DNAH8: variants seen among roughly 807,000 people sequenced by gnomAD.
The protein encoded by DNAH8 is dynein axonemal heavy chain 8.
A neutral mutation model predicts 562.1 loss-of-function variants in DNAH8; 382 were observed. That is an observed-to-expected ratio of 0.68 (90% CI 0.63 to 0.74). The LOEUF is 0.74. Ranked by LOEUF, DNAH8 falls within the 30% of genes least tolerant of loss-of-function variation. The probability of loss-of-function intolerance (pLI) is 0.00; values close to 1 mark genes in which losing one functional copy is unlikely to be tolerated. For missense variants in DNAH8, 5,203 were observed against 5,620.4 expected, an observed-to-expected ratio of 0.93 and a Z score of 2.37; for synonymous variants, 1,881 against 1,919.4, an observed-to-expected ratio of 0.98 and a Z score of 0.52.
rs1554163097 is a variant in DNAH8 at position 39,010,799 on chromosome 6, A to ACG, written c.13372-1414_13372-1413dup. ...TATATATACACACACACGCACGTGT[A>ACG]CGCACACACACACACACACACGTAT... is the stretch of plus-strand genomic sequence containing the variant. On this transcript the variant is annotated intron_variant, in intron 89 of 92. Transcript: ENST00000327475. Among the ~76,000 whole-genome samples the ACG allele has an allele frequency of 7.8e-3, 825 of 105,110 alleles. 10 individuals carry two copies. The highest frequency in any genetic ancestry group is 0.03 in the African/African-American group (751 of 25,194). The allele number at this position is 105,110 out of a possible 152,430, so 69.0% of individuals were successfully genotyped here.
intron 69 of DNAH8, 67 bp from the exon 70 acceptor site, chr6:38,917,858 A>G: frequency 8.3e-7 from 1 of 1,198,292 alleles, no homozygotes; most frequent in South Asian, 1.6e-5. Context: ...TCAATTTAGA[A>G]GTACATATTA....
chr6:38,873,095 TG>T lies in DNAH8; in HGVS notation c.7430del (p.Gly2477AlafsTer20). 1 of 1,614,006 alleles carries T rather than the reference TG, an allele frequency of 6.2e-7. No homozygotes were observed. Among genetic ancestry groups the T allele is most frequent in the East Asian group, 2.2e-5 (1 of 44,866 alleles). ...GCCTCTCCTGCCACGGTTTCTAGGA[TG>T]GGCATGGTCTATATCAGCAGCTCTG... ...ENASPATVSR[M>X]GMVYISSSAL... On this transcript the variant is annotated frameshift_variant, in exon 51 of 93. Coordinates refer to ENST00000327475, the MANE Select transcript of DNAH8 (RefSeq NM_001206927.2). LOFTEE classifies it high-confidence loss of function.
chr6:38,894,871 G>T lies in DNAH8; in HGVS notation c.8747+7G>T, dbSNP rs368202847. ...GCAGAGTAATTGCAGACAGGTGCGT[G>T]TTGCGGCACTAGAGTTTAAATGTAT... On this transcript the variant is annotated splice_region_variant and intron_variant, in intron 59 of 92. Coordinates refer to ENST00000327475, the MANE Select transcript of DNAH8 (RefSeq NM_001206927.2). The T allele has an allele frequency of 7.4e-6, 12 of 1,610,930 alleles. No homozygotes were observed. In the African/African-American group the frequency reaches 1.6e-4, roughly 22 times the overall value.
intron 24 of DNAH8, among the ~76,000 whole-genome samples, chr6:38,810,246 G>T (rs1317750116): frequency 6.6e-6 from 1 of 152,054 alleles, no homozygotes. Flanking sequence ...CTGTACTTCA[G>T]TTCTTTAAGT....
intron 91 of DNAH8, among the ~76,000 whole-genome samples, chr6:39,017,442 T>C (rs747050895): frequency 3.3e-5 from 5 of 152,188 alleles, no homozygotes; most frequent in Non-Finnish European, 7.3e-5. Context: ...ACATCTTAAT[T>C]GATAGCCATG....
At chr6:38,792,089 C>G (rs185989029) in intron 21 of DNAH8, among the ~76,000 whole-genome samples, 7 of 152,054 alleles carry the variant, frequency 4.6e-5, no homozygotes, top group Admixed American at 4.6e-4. Context: ...GAGGCTTAGC[C>G]AGGACTTTTT....
chr6:38,729,369 T>G (rs950347643), intron 3 of DNAH8, among the ~76,000 whole-genome samples: 2 of 152,230 alleles, frequency 1.3e-5, no homozygotes, highest in African/African-American at 4.8e-5. Context: ...AGTTTTCTAT[T>G]TACTAAGATA....
Position 39,008,805 on chromosome 6 carries a change from T to C in DNAH8, c.13215-9T>C. On this transcript the variant is annotated splice_polypyrimidine_tract_variant and intron_variant, in intron 88 of 92. Coordinates refer to ENST00000327475, the MANE Select transcript of DNAH8 (RefSeq NM_001206927.2). ...TGTAACATTCTGAACAGCTCACTCT[T>C]TTTACTAGGTATCAGAGTAACACTG... 1.3e-6 allele frequency: 2 copies of C among 1,578,102 alleles called. No homozygotes were observed. The highest frequency in any genetic ancestry group is 1.7e-5 in the Admixed American group (1 of 58,944).
chr6:39,026,326 C>T (rs1281570200), intron 91 of DNAH8, among the ~76,000 whole-genome samples: 1 of 152,180 alleles, frequency 6.6e-6, no homozygotes, highest in Non-Finnish European at 1.5e-5. Flanking sequence ...AACAGTACTG[C>T]TTTCCTGCTG....
At chr6:38,883,787 T>C (rs1321367589) in intron 55 of DNAH8, 89 bp from the exon 56 acceptor site, 1 of 1,096,458 alleles carries the variant, frequency 9.1e-7, no homozygotes, top group Non-Finnish European at 1.2e-6. Flanking sequence ...CGTAAGTAAA[T>C]TATATTCTAC....
At chr6:38,790,144 TA>T in intron 19 of DNAH8, 144 bp from the exon 20 acceptor site, 1 of 688,634 alleles carries the variant, frequency 1.5e-6, no homozygotes, top group Non-Finnish European at 2.6e-6. Context: ...TGGTTAAAAA[TA>T]AAAAGTCATC....
At chr6:38,780,353 G>T (rs1399458667) in intron 15 of DNAH8, among the ~76,000 whole-genome samples, 3 of 152,104 alleles carry the variant, frequency 2.0e-5, no homozygotes, top group Non-Finnish European at 4.4e-5. Flanking sequence ...GTACCCAAAG[G>T]AATACAAATC....
At chr6:38,751,208 A>C (rs72858282) in intron 9 of DNAH8, among the ~76,000 whole-genome samples, 27,973 of 152,160 alleles carry the variant, frequency 0.18, 3,357 homozygotes, top group Non-Finnish European at 0.27. Context: ...TGGTTATTGG[A>C]AGGCCCCAGT....
At chr6:38,860,342 T>C (rs776872713) in intron 42 of DNAH8, 115 bp from the exon 43 acceptor site, 18 of 526,792 alleles carry the variant, frequency 3.4e-5, no homozygotes, top group Non-Finnish European at 5.1e-5. Context: ...ACTCAATAAA[T>C]ATTTGTTAAT....
chr6:38,855,668 A>G (rs538911211), intron 41 of DNAH8, among the ~76,000 whole-genome samples: 4 of 152,280 alleles, frequency 2.6e-5, no homozygotes, highest in Admixed American at 2.6e-4. Context: ...CCTTCTCGCT[A>G]TTTGAAACTA....
intron 3 of DNAH8, among the ~76,000 whole-genome samples, chr6:38,727,690 G>GT (rs1415012307): frequency 6.6e-6 from 1 of 152,190 alleles, no homozygotes; most frequent in African/African-American, 2.4e-5. Context: ...TATTTATAAA[G>GT]TTTTTTCAAA....
chr6:38,783,156 C>G lies in DNAH8; in HGVS notation c.2395+17C>G, dbSNP rs780131092. 6.2e-6 allele frequency: 10 copies of G among 1,610,168 alleles called. No homozygotes were observed. The highest frequency in any genetic ancestry group is 8.5e-6 in the Non-Finnish European group (10 of 1,178,744). ...TGCATTACGGTGTGTATAACACTGC[C>G]ATGAGCCTACAAAGTAGGGATTAGG... On this transcript the variant is annotated intron_variant, in intron 17 of 92. Coordinates refer to ENST00000327475, the MANE Select transcript of DNAH8 (RefSeq NM_001206927.2).
intron 58 of DNAH8, among the ~76,000 whole-genome samples, chr6:38,892,974 A>C (rs1779438645): frequency 6.6e-6 from 1 of 151,968 alleles, no homozygotes; most frequent in African/African-American, 2.4e-5. Context: ...TATCCTAGTC[A>C]TTATCTGTCT....
At chr6:38,858,933 T>C (rs1409345042) in intron 42 of DNAH8, among the ~76,000 whole-genome samples, 1 of 152,128 alleles carries the variant, frequency 6.6e-6, no homozygotes, top group Non-Finnish European at 1.5e-5. Flanking sequence ...GTGAAAGAAA[T>C]TTCTTTTAAA....
Sources: allele counts gnomAD v4.1 joint callset (sites outside exome capture counted in the v4.1 genomes callset), GRCh38; gene constraint gnomAD v4.1.1; transcripts MANE v1.5; gene names NCBI Gene and HGNC (gene_info 2026-07-23, HGNC 2026-07-21).